The following EYS variants were observed in gnomAD, a reference collection of about 807,000 sequenced individuals.
The protein encoded by EYS is protein eyes shut homolog.
Under a neutral mutation model 282.1 loss-of-function variants are expected in EYS, and 250 were observed. The observed-to-expected ratio is 0.89, with a 90% confidence interval of 0.80 to 0.98. EYS has a LOEUF of 0.98. Among genes scored for constraint, EYS ranks in the 50% least tolerant of loss-of-function variants. EYS has a pLI of 0.00. For missense variants in EYS, 4,016 were observed against 3,709.0 expected (o/e 1.08, Z -2.15); for synonymous variants, 1,355 against 1,282.9 (o/e 1.06, Z -1.20).
At chr6:65,359,917 A>T (rs897557373) in intron 8 of EYS, among the ~76,000 whole-genome samples, 4 of 151,898 alleles carry the variant, frequency 2.6e-5, no homozygotes, top group African/African-American at 7.2e-5. Context: ...AAATTATAGA[A>T]TTTTTTTCAA....
chr6:63,936,194 A>T (rs1184342318), intron 35 of EYS, among the ~76,000 whole-genome samples: 1 of 152,036 alleles, frequency 6.6e-6, no homozygotes, highest in East Asian at 1.9e-4. Context: ...TTAAACCTAG[A>T]CCCCTTCTGG....
chr6:64,911,660 T>G (rs1767995194), intron 16 of EYS, among the ~76,000 whole-genome samples: 1 of 152,110 alleles, frequency 6.6e-6, no homozygotes, highest in African/African-American at 2.4e-5. Flanking sequence ...GTTTTGGGCC[T>G]CCAAACACAA....
chr6:65,290,507 A>C (rs541522197), intron 12 of EYS, among the ~76,000 whole-genome samples: 10 of 151,262 alleles, frequency 6.6e-5, no homozygotes, highest in Non-Finnish European at 1.5e-4. Flanking sequence ...TGAATATTAT[A>C]AGTAACTCCA....
chr6:63,887,914 A>G (rs1193878563), intron 35 of EYS, among the ~76,000 whole-genome samples: 4 of 152,334 alleles, frequency 2.6e-5, no homozygotes, highest in African/African-American at 7.2e-5. Flanking sequence ...TCTTGCTGCC[A>G]TCACAGCAGT....
At position 64,591,802 on chromosome 6, in the gene EYS, A is replaced by C. The variant is rs1408746266; in HGVS notation, c.4065T>G (p.Ile1355Met). The C allele has an allele frequency of 1.3e-6, 2 of 1,551,304 alleles. No homozygotes were observed. The highest frequency in any genetic ancestry group is 2.7e-5 in the African/African-American group (2 of 73,124). The change falls in exon 26 of 43, where the codon ATT becomes ATG. Residue 1355 changes from isoleucine to methionine, a missense_variant. Coordinates refer to ENST00000503581, the MANE Select transcript of EYS (RefSeq NM_001142800.2). Reference sequence around the variant, plus strand: ...CCTGGACAATTTGTGCTGGGTCACGAATACCAAAATTCAGGAATCGAGAAG... The same window carrying C: ...CCTGGACAATTTGTGCTGGGTCACGCATACCAAAATTCAGGAATCGAGAAG... ...VSSSRFLNFG[I>M]RDPAQIVQDK...
At position 64,896,877 on chromosome 6, in the gene EYS, A is replaced by G. The variant is rs1256167713; in HGVS notation, c.2846+5236T>C. On this transcript the variant is annotated intron_variant, in intron 18 of 42. Transcript: ENST00000503581. ...AGGGGGGGGCCACCACAGTGCCTCAAAGCTGCCGTAGACAGACCGCCTCTC... is the reference window on the plus strand; with the variant it reads ...AGGGGGGGGCCACCACAGTGCCTCAGAGCTGCCGTAGACAGACCGCCTCTC... Among the ~76,000 whole-genome samples the G allele has an allele frequency of 2.6e-5, 4 of 152,112 alleles. No homozygotes were observed. The East Asian group carries it at 7.7e-4, about 29-fold the overall frequency.
At chr6:64,735,457 T>C (rs1186901573) in intron 22 of EYS, among the ~76,000 whole-genome samples, 1 of 152,134 alleles carries the variant, frequency 6.6e-6, no homozygotes, top group African/African-American at 2.4e-5. Context: ...ACAACTGATC[T>C]GAAAATTGCA....
chr6:64,439,007 A>T (rs3904083), intron 27 of EYS, among the ~76,000 whole-genome samples, 155 bp downstream of exon 27: 1 of 151,442 alleles, frequency 6.6e-6, no homozygotes, highest in Non-Finnish European at 1.5e-5. Flanking sequence ...TCATATATAC[A>T]TAGAAAGAAA....
intron 18 of EYS, among the ~76,000 whole-genome samples, chr6:64,896,793 G>A (rs1471942313): frequency 6.6e-6 from 1 of 152,062 alleles, no homozygotes; most frequent in Non-Finnish European, 1.5e-5. Flanking sequence ...ATTGAGGTTT[G>A]AGTAGGGAGT....
chr6:63,817,675 A>T (rs1168873357), intron 36 of EYS, among the ~76,000 whole-genome samples: 2 of 152,256 alleles, frequency 1.3e-5, no homozygotes, highest in African/African-American at 4.8e-5. Context: ...TAAACTCCAG[A>T]TTCCTGGAAC....
chr6:65,488,482 CA>C (rs1765898655), intron 5 of EYS, among the ~76,000 whole-genome samples: 1 of 152,100 alleles, frequency 6.6e-6, no homozygotes, highest in Non-Finnish European at 1.5e-5. Context: ...AGAGAGGACA[CA>C]AACAAATGGA....
chr6:64,702,475 A>G (rs578076329), intron 22 of EYS, among the ~76,000 whole-genome samples: 3 of 152,204 alleles, frequency 2.0e-5, no homozygotes, highest in South Asian at 2.1e-4. Flanking sequence ...TGTTACATAA[A>G]TTGACAAATT....
intron 19 of EYS, among the ~76,000 whole-genome samples, chr6:64,849,008 T>A (rs1272884434): frequency 6.6e-6 from 1 of 152,020 alleles, no homozygotes; most frequent in Non-Finnish European, 1.5e-5. Context: ...ATAAAGGTAG[T>A]GAAGCTTTTA....
intron 12 of EYS, among the ~76,000 whole-genome samples, chr6:65,284,905 A>T (rs1426387276): frequency 6.6e-6 from 1 of 152,060 alleles, no homozygotes; most frequent in East Asian, 1.9e-4. Flanking sequence ...TGTTCATGTA[A>T]CAAGAGGTAT....
intron 29 of EYS, among the ~76,000 whole-genome samples, chr6:64,326,920 T>A (rs1770444060): frequency 6.6e-6 from 1 of 152,088 alleles, no homozygotes; most frequent in Admixed American, 6.6e-5. Flanking sequence ...CAGGGCATGA[T>A]GACTAGTCCA....
In EYS at chr6:63,959,224, A is replaced by C. The variant is rs1418073415; in HGVS notation, c.7055+25159T>G. On this transcript the variant is annotated intron_variant, in intron 35 of 42. Coordinates refer to ENST00000503581, the MANE Select transcript of EYS (RefSeq NM_001142800.2). Reference sequence around the variant, plus strand: ...CAAAGGATATGAACAGACAACTCTCAAAAGAAGACATCTACGCAGCCAACA... The same window carrying C: ...CAAAGGATATGAACAGACAACTCTCCAAAGAAGACATCTACGCAGCCAACA... Among the ~76,000 whole-genome samples, 4 of 152,336 alleles carry C rather than the reference A, an allele frequency of 2.6e-5. 1 individual carries two copies. Among genetic ancestry groups the C allele is most frequent in the South Asian group, 4.1e-4 (2 of 4,828 alleles).
In EYS at chr6:64,438,152, T is replaced by C. The variant is rs575706414; in HGVS notation, c.5835+1010A>G. Among the ~76,000 whole-genome samples, 7 of 151,820 alleles carry C rather than the reference T, an allele frequency of 4.6e-5. No homozygotes were observed. The East Asian group carries it at 1.2e-3, about 25-fold the overall frequency. ...TGGTTTCAAAATGTTATTAGCTGCA[T>C]AACCTTGGACTTTTGAAAGGTTCTT... On this transcript the variant is annotated intron_variant, in intron 27 of 42. Coordinates refer to ENST00000503581, the MANE Select transcript of EYS (RefSeq NM_001142800.2).
chr6:63,779,204 A>C (rs1016156869), intron 39 of EYS: 3 of 151,882 alleles, frequency 2.0e-5, no homozygotes, highest in African/African-American at 7.3e-5. Flanking sequence ...CATGCCTGTA[A>C]TCCCAGCACT....
intron 5 of EYS, among the ~76,000 whole-genome samples, chr6:65,414,846 A>G (rs1199390569): frequency 1.3e-5 from 2 of 152,060 alleles, no homozygotes; most frequent in African/African-American, 4.8e-5. Flanking sequence ...TCCTTTAGGG[A>G]AAAAATGGAG....
Sources: gnomAD v4.1 joint callset for allele counts (sites outside exome capture counted in the v4.1 genomes callset) on GRCh38, gnomAD v4.1.1 for gene constraint, MANE v1.5 for transcripts, NCBI Gene and HGNC (gene_info 2026-07-23, HGNC 2026-07-21) for gene names.